SPOCK3: variants seen among roughly 807,000 people sequenced by gnomAD.
The protein encoded by SPOCK3 is SPARC (osteonectin), cwcv and kazal like domains proteoglycan 3.
SPOCK3 carries 30 observed loss-of-function variants against 56.6 expected under a neutral mutation model. The observed-to-expected ratio is 0.53, with a 90% confidence interval of 0.40 to 0.72. The LOEUF is 0.72. Ranked by LOEUF, SPOCK3 falls within the 30% of genes least tolerant of loss-of-function variation. SPOCK3 has a pLI of 0.00. For synonymous variants in SPOCK3, 196 were observed against 183.3 expected, an observed-to-expected ratio of 1.07 and a Z score of -0.56; for missense variants, 527 against 530.0, an observed-to-expected ratio of 0.99 and a Z score of 0.06.
intron 5 of SPOCK3, among the ~76,000 whole-genome samples, chr4:166,893,430 T>C (rs1241504517): frequency 6.6e-6 from 1 of 152,136 alleles, no homozygotes; most frequent in Non-Finnish European, 1.5e-5. Context: ...CGAGAAAAGA[T>C]ACAGTTGACA....
chr4:166,822,792 C>G (rs937131533), intron 6 of SPOCK3, among the ~76,000 whole-genome samples: 2 of 151,870 alleles, frequency 1.3e-5, no homozygotes, highest in African/African-American at 4.8e-5. Context: ...GCCTTTAACT[C>G]TAGAAAGTTA....
intron 4 of SPOCK3, among the ~76,000 whole-genome samples, chr4:166,954,804 G>A (rs745869860): frequency 8.5e-5 from 13 of 152,054 alleles, no homozygotes; most frequent in Non-Finnish European, 1.8e-4. Flanking sequence ...GTGCCTATTG[G>A]CATGAAACTC....
chr4:166,845,656 T>G (rs1747983360), intron 6 of SPOCK3, among the ~76,000 whole-genome samples: 1 of 152,186 alleles, frequency 6.6e-6, no homozygotes, highest in South Asian at 2.1e-4. Flanking sequence ...ACATCTCTTT[T>G]GTAATTACCA....
rs936641369 is a variant in SPOCK3, at chr4:167,135,087, A to T, written c.190-72550T>A. Among the ~76,000 whole-genome samples the T allele has an allele frequency of 6.7e-5, 10 of 149,606 alleles. No homozygotes were observed. The South Asian group carries it at 1.9e-3, about 28-fold the overall frequency. ...ACATATAAATATAAATATATATATA[A>T]AATATGTGTTTAATATATTAAATAT... is the stretch of plus-strand genomic sequence containing the variant. On this transcript the variant is annotated intron_variant, in intron 2 of 10. Transcript: ENST00000357545.
At chr4:167,095,958 A>G (rs891721626) in intron 2 of SPOCK3, among the ~76,000 whole-genome samples, 3 of 151,938 alleles carry the variant, frequency 2.0e-5, no homozygotes, top group African/African-American at 7.2e-5. Context: ...GCTTTCTTGT[A>G]TACTTTCAAG....
intron 3 of SPOCK3, among the ~76,000 whole-genome samples, chr4:167,051,616 T>C (rs1184476494): frequency 2.0e-5 from 3 of 152,224 alleles, no homozygotes; most frequent in African/African-American, 4.8e-5. Context: ...TCTGATGCTC[T>C]GAACAGGGAA....
Position 167,008,808 on chromosome 4 carries a change from G to T in SPOCK3, c.236-8345C>A, listed in dbSNP as rs564680152. Among the ~76,000 whole-genome samples the T allele has an allele frequency of 2.0e-5, 3 of 152,130 alleles. No individual in the cohort carries two copies. In the South Asian group the frequency reaches 6.2e-4, roughly 32 times the overall value. On this transcript the variant is annotated intron_variant, in intron 3 of 10. Transcript: ENST00000357545. Reference sequence around the variant, plus strand: ...AACAAAGAGTACACATGGACCTAAAGATGGAAACAATAGACAGTGGGGACT... The same window carrying T: ...AACAAAGAGTACACATGGACCTAAATATGGAAACAATAGACAGTGGGGACT...
At chr4:166,961,233 A>G (rs1401975711) in intron 4 of SPOCK3, among the ~76,000 whole-genome samples, 1 of 148,032 alleles carries the variant, frequency 6.8e-6, no homozygotes, top group African/African-American at 2.6e-5. Context: ...TAAATACGTG[A>G]GTCTTACCCA....
intron 4 of SPOCK3, among the ~76,000 whole-genome samples, chr4:166,984,574 G>A (rs1746934707): frequency 6.6e-6 from 1 of 152,056 alleles, no homozygotes; most frequent in South Asian, 2.1e-4. Flanking sequence ...CAGGAGGGGT[G>A]CTAACAGGGT....
intron 2 of SPOCK3, among the ~76,000 whole-genome samples, chr4:167,116,735 ATATAG>A (rs1348974920): frequency 1.5e-5 from 2 of 135,270 alleles, no homozygotes; most frequent in Non-Finnish European, 3.2e-5. Context: ...ATATACACAC[ATATAG>A]TATATATACA....
rs1278007388 is a variant in SPOCK3, at chr4:166,816,974, A to G, written c.590-24685T>C. Among the ~76,000 whole-genome samples the G allele has an allele frequency of 5.3e-5, 8 of 152,144 alleles. No individual in the cohort carries two copies. In the East Asian group the frequency reaches 1.6e-3, roughly 30 times the overall value. ...TTGTGTTAGAAGAATAGTGTCAAGA[A>G]CATGATGAGTCTGAATGCTTACCCT... On this transcript the variant is annotated intron_variant, in intron 6 of 10. Coordinates refer to ENST00000357545, the MANE Select transcript of SPOCK3 (RefSeq NM_001040159.2).
chr4:167,053,541 C>T (rs1754439484), intron 3 of SPOCK3, among the ~76,000 whole-genome samples: 1 of 151,524 alleles, frequency 6.6e-6, no homozygotes, highest in African/African-American at 2.4e-5. Flanking sequence ...TAAAATTAGC[C>T]AGGTGTGGTG....
At chr4:166,824,851 C>A (rs1745297920) in intron 6 of SPOCK3, among the ~76,000 whole-genome samples, 1 of 151,936 alleles carries the variant, frequency 6.6e-6, no homozygotes, top group Admixed American at 6.6e-5. Flanking sequence ...GTTCTCATAT[C>A]CTTGCAGGGA....
chr4:166,956,039 C>T (rs1743422018), intron 4 of SPOCK3, among the ~76,000 whole-genome samples: 1 of 151,984 alleles, frequency 6.6e-6, no homozygotes, highest in Non-Finnish European at 1.5e-5. Flanking sequence ...GTTCAGTATC[C>T]ATATAGAAGA....
intron 6 of SPOCK3, among the ~76,000 whole-genome samples, chr4:166,887,221 T>A (rs949317425): frequency 1.3e-5 from 2 of 152,192 alleles, no homozygotes; most frequent in African/African-American, 4.8e-5. Flanking sequence ...TTGGTTATCA[T>A]AAATTAATAC....
chr4:167,062,280 TAA>T (rs1184279060), intron 3 of SPOCK3, among the ~76,000 whole-genome samples: 3 of 151,808 alleles, frequency 2.0e-5, no homozygotes, highest in African/African-American at 7.2e-5. Flanking sequence ...TATCTAAAAA[TAA>T]AAGACATCCT....
At chr4:166,866,613 T>C (rs1731870421) in intron 6 of SPOCK3, among the ~76,000 whole-genome samples, 1 of 151,964 alleles carries the variant, frequency 6.6e-6, no homozygotes, top group Admixed American at 6.6e-5. Context: ...AATCAAAAAG[T>C]GGGCAAAGGA....
chr4:166,911,659 T>A (rs1408167347), intron 5 of SPOCK3, among the ~76,000 whole-genome samples: 1 of 152,112 alleles, frequency 6.6e-6, no homozygotes, highest in East Asian at 1.9e-4. Flanking sequence ...TGCCTCAGCC[T>A]CCCGAGTAGC....
At chr4:166,881,283 A>G (rs139545451) in intron 6 of SPOCK3, among the ~76,000 whole-genome samples, 1 of 151,816 alleles carries the variant, frequency 6.6e-6, no homozygotes, top group Non-Finnish European at 1.5e-5. Context: ...TTATTTGCAA[A>G]TAACAGAAAA....
Sources: allele counts gnomAD v4.1 joint callset (sites outside exome capture counted in the v4.1 genomes callset), GRCh38; gene constraint gnomAD v4.1.1; transcripts MANE v1.5; gene names NCBI Gene and HGNC (gene_info 2026-07-23, HGNC 2026-07-21).